DACH1: variants seen among roughly 807,000 people sequenced by gnomAD.
DACH1 encodes the protein dachshund homolog 1.
A neutral mutation model predicts 54.2 loss-of-function variants in DACH1; 12 were observed. That is an observed-to-expected ratio of 0.22 (90% CI 0.14 to 0.36). The LOEUF is 0.36. Ranked by LOEUF, DACH1 falls within the 10% of genes least tolerant of loss-of-function variation. The pLI is 1.00. For missense variants in DACH1, 805 were observed against 929.8 expected, an observed-to-expected ratio of 0.87 and a Z score of 1.75; for synonymous variants, 386 against 366.2, an observed-to-expected ratio of 1.05 and a Z score of -0.62.
chr13:71,572,712 T>C (rs758312727), intron 4 of DACH1, 128 bp downstream of exon 4: 126 of 1,020,344 alleles, frequency 1.2e-4, no homozygotes, highest in Non-Finnish European at 1.6e-4. Context: ...AAGTGATTTT[T>C]TTTAATAGTC....
intron 1 of DACH1, among the ~76,000 whole-genome samples, chr13:71,806,989 C>T (rs1461100817): frequency 6.6e-6 from 1 of 152,154 alleles, no homozygotes; most frequent in Non-Finnish European, 1.5e-5. Context: ...TCATAGGCTT[C>T]TTGCACACAA....
At chr13:71,738,800 A>C (rs916136811) in intron 1 of DACH1, among the ~76,000 whole-genome samples, 1 of 151,084 alleles carries the variant, frequency 6.6e-6, no homozygotes, top group Non-Finnish European at 1.5e-5. Context: ...AAAAAACAGA[A>C]AGGAAAAGAG....
intron 6 of DACH1, among the ~76,000 whole-genome samples, chr13:71,542,816 T>G (rs965786946): frequency 6.6e-6 from 1 of 152,128 alleles, no homozygotes; most frequent in African/African-American, 2.4e-5. Context: ...CCAGTCTACC[T>G]CTATATAAGG....
chr13:71,838,587 C>G (rs1039394366), intron 1 of DACH1, among the ~76,000 whole-genome samples: 2 of 152,154 alleles, frequency 1.3e-5, no homozygotes, highest in African/African-American at 2.4e-5. Flanking sequence ...AAACAATGTG[C>G]ATGATTGTTT....
intron 2 of DACH1, among the ~76,000 whole-genome samples, chr13:71,657,767 T>C (rs571710017): frequency 6.6e-6 from 1 of 151,952 alleles, no homozygotes; most frequent in Non-Finnish European, 1.5e-5. Context: ...GTCTGAGTAA[T>C]TCTATTTTTT....
intron 3 of DACH1, among the ~76,000 whole-genome samples, chr13:71,621,863 T>A (rs1317661216): frequency 6.6e-6 from 1 of 152,078 alleles, no homozygotes; most frequent in Non-Finnish European, 1.5e-5. Flanking sequence ...CTGCACATAC[T>A]GTTTTAATAA....
At chr13:71,475,871 T>C (rs763649861) in intron 8 of DACH1, 22 bp from the exon 9 acceptor site, 6 of 1,442,224 alleles carry the variant, frequency 4.2e-6, no homozygotes, top group South Asian at 1.5e-5. Flanking sequence ...TGTATGCATA[T>C]TATTATTATT....
At chr13:71,644,028 C>T (rs372777095) in intron 2 of DACH1, among the ~76,000 whole-genome samples, 1 of 152,096 alleles carries the variant, frequency 6.6e-6, no homozygotes, top group Non-Finnish European at 1.5e-5. Flanking sequence ...TCTAGCTCAA[C>T]GTAAAACTAC....
At chr13:71,508,185 T>C in intron 6 of DACH1, among the ~76,000 whole-genome samples, 1 of 152,196 alleles carries the variant, frequency 6.6e-6, no homozygotes, top group East Asian at 1.9e-4. Context: ...TTAGTACGTT[T>C]ACTTACTGAT....
intron 2 of DACH1, among the ~76,000 whole-genome samples, chr13:71,661,166 CATAT>C (rs199916609): frequency 6.6e-6 from 1 of 150,380 alleles, no homozygotes. Flanking sequence ...CAGACACATA[CATAT>C]ATATATATGA....
chr13:71,605,672 TATG>T (rs1181841403), intron 3 of DACH1, among the ~76,000 whole-genome samples: 17 of 152,024 alleles, frequency 1.1e-4, no homozygotes, highest in Non-Finnish European at 2.2e-4. Context: ...AGAAATATTT[TATG>T]ATATTGTGAA....
chr13:71,675,235 T>G (rs1880487648), intron 2 of DACH1: 1 of 1,572,020 alleles, frequency 6.4e-7, no homozygotes, highest in Non-Finnish European at 8.7e-7. Flanking sequence ...TTATCAGAAG[T>G]CCACTGAACT....
intron 1 of DACH1, among the ~76,000 whole-genome samples, chr13:71,860,456 C>CTT (rs35326383): frequency 0.08 from 10,862 of 136,066 alleles, 969 homozygotes; most frequent in East Asian, 0.45. Context: ...CTTAATGTGA[C>CTT]TTTTTTTTTT....
At position 71,657,268 on chromosome 13, in the gene DACH1, G is replaced by A. The variant is rs984050377; in HGVS notation, c.964+24527C>T. The stretch of plus-strand genomic sequence containing the variant: ...GACATTCAAAAATGCTTCCTAGGCC[G>A]GGTATAGTGGCTCATTTCTGTAATT... On this transcript the variant is annotated intron_variant, in intron 2 of 10. Transcript: ENST00000613252. 4.0e-5 allele frequency among the ~76,000 whole-genome samples: 6 copies of A among 151,872 alleles called. No individual in the cohort carries two copies. The South Asian group carries it at 6.2e-4, about 16-fold the overall frequency.
chr13:71,453,949 A>G (rs1875309324), intron 10 of DACH1, among the ~76,000 whole-genome samples: 2 of 152,212 alleles, frequency 1.3e-5, no homozygotes, highest in South Asian at 4.1e-4. Context: ...TGAGAACAAT[A>G]ACATCCTATA....
At chr13:71,821,881 T>G (rs1200122098) in intron 1 of DACH1, among the ~76,000 whole-genome samples, 1 of 152,018 alleles carries the variant, frequency 6.6e-6, no homozygotes, top group Non-Finnish European at 1.5e-5. Context: ...GACAACATGG[T>G]GAAACCCTGT....
At position 71,764,334 on chromosome 13, in the gene DACH1, G is replaced by T. The variant is rs546943871; in HGVS notation, c.849-82424C>A. Reference sequence around the variant, plus strand: ...AGGATTACTTCAGGAATTCAAGGCTGCAATGAGCTATGATAGTGCTTGTGA... The same window carrying T: ...AGGATTACTTCAGGAATTCAAGGCTTCAATGAGCTATGATAGTGCTTGTGA... On this transcript the variant is annotated intron_variant, in intron 1 of 10. Transcript: ENST00000613252. 1.8e-3 allele frequency among the ~76,000 whole-genome samples: 268 copies of T among 152,208 alleles called. 2 individuals carry two copies. Among genetic ancestry groups the T allele is most frequent in the Middle Eastern group, 6.8e-3 (2 of 294 alleles).
intron 3 of DACH1, among the ~76,000 whole-genome samples, chr13:71,594,354 A>G (rs962990831): frequency 2.0e-5 from 3 of 152,084 alleles, no homozygotes; most frequent in African/African-American, 7.2e-5. Flanking sequence ...TTTATTTATA[A>G]TTGCATGCTC....
chr13:71,643,717 T>A (rs1296816190), intron 2 of DACH1, among the ~76,000 whole-genome samples: 1 of 152,204 alleles, frequency 6.6e-6, no homozygotes, highest in Non-Finnish European at 1.5e-5. Context: ...GGCATTGGCC[T>A]AGTTAATAAA....
Sources: gnomAD v4.1 joint callset for allele counts (sites outside exome capture counted in the v4.1 genomes callset) on GRCh38, gnomAD v4.1.1 for gene constraint, MANE v1.5 for transcripts, NCBI Gene and HGNC (gene_info 2026-07-23, HGNC 2026-07-21) for gene names.